MAST1: variants seen among roughly 807,000 people sequenced by gnomAD.
The protein encoded by MAST1 is microtubule-associated serine/threonine-protein kinase 1.
A neutral mutation model predicts 124.6 loss-of-function variants in MAST1; 40 were observed. The observed-to-expected ratio is 0.32, with a 90% CI of 0.25 to 0.42. The LOEUF is 0.42. Ranked by LOEUF, MAST1 falls within the 10% of genes least tolerant of loss-of-function variation. The probability of loss-of-function intolerance (pLI) is 1.00; values close to 1 mark genes in which losing one functional copy is unlikely to be tolerated. For synonymous variants in MAST1, 938 were observed against 939.4 expected, an observed-to-expected ratio of 1.00 and a Z score of 0.03; for missense variants, 1,558 against 2,181.9, an observed-to-expected ratio of 0.71 and a Z score of 5.70.
At position 12,852,100 on chromosome 19, in the gene MAST1, C is replaced by T; in HGVS notation, c.877-15C>T. ...CCTGGGAGCCTGTGGTGAGCCCACT[C>T]CTGCCCTGCCTCAGGAATTCAACCC... On this transcript the variant is annotated splice_polypyrimidine_tract_variant and intron_variant, in intron 8 of 25. Coordinates refer to ENST00000251472, the MANE Select transcript of MAST1 (RefSeq NM_014975.3). The T allele has an allele frequency of 1.2e-6, 2 of 1,613,496 alleles. No individual in the cohort carries two copies. Among genetic ancestry groups the T allele is most frequent in the South Asian group, 2.2e-5 (2 of 91,030 alleles).
Position 12,874,024 on chromosome 19 carries a change from G to A in MAST1, c.3867G>A (p.Val1289=), listed in dbSNP as rs566545684. ...KGALRKHSLE[V]GHPDFRKDFH... The stretch of plus-strand genomic sequence containing the variant: ...CGCTGCGCAAACACAGCCTCGAGGT[G>A]GGCCACCCGGATTTCCGCAAGGACT... Residue 1289 remains valine, a synonymous_variant, in exon 26 of 26, where the codon GTG becomes GTA. Transcript: ENST00000251472. The surrounding 1 kb of genome is among the most constrained non-coding windows in gnomAD (Gnocchi z 6.6). 6.2e-7 allele frequency: 1 copy of A among 1,606,150 alleles called. No individual in the cohort carries two copies. Among genetic ancestry groups the A allele is most frequent in the Non-Finnish European group, 8.5e-7 (1 of 1,178,972 alleles).
chr19:12,848,102 C>A, intron 7 of MAST1, 45 bp downstream of exon 7: 1 of 1,558,954 alleles, frequency 6.4e-7, no homozygotes, highest in East Asian at 2.3e-5. Flanking sequence ...TCAGCACCGC[C>A]AGATTGTGCC....
At chr19:12,863,145 C>A (rs1460116344) in intron 12 of MAST1, among the ~76,000 whole-genome samples, 1 of 132,166 alleles carries the variant, frequency 7.6e-6, no homozygotes, top group Non-Finnish European at 1.6e-5. Flanking sequence ...GGTGACAGAG[C>A]CAGACTCTGA....
chr19:12,853,506 T>C (rs986553815), intron 10 of MAST1, among the ~76,000 whole-genome samples: 12 of 151,280 alleles, frequency 7.9e-5, no homozygotes, highest in Admixed American at 3.3e-4. Flanking sequence ...CAGTAAGCCA[T>C]GATCACACCA....
At chr19:12,864,605 A>G (rs1437497689) in intron 12 of MAST1, among the ~76,000 whole-genome samples, 1 of 152,098 alleles carries the variant, frequency 6.6e-6, no homozygotes, top group East Asian at 1.9e-4. Context: ...GTATAAGATG[A>G]GCTGATGACA....
chr19:12,859,066 T>TATTTATTC (rs1468031482), intron 12 of MAST1: 1 of 224,412 alleles, frequency 4.5e-6, no homozygotes, highest in African/African-American at 3.7e-5. Context: ...TTTATTTATT[T>TATTTATTC]ATTTATTCAT....
Position 12,857,553 on chromosome 19 carries a change from A to G in MAST1, c.1078-809A>G, listed in dbSNP as rs144244512. Among the ~76,000 whole-genome samples, 657 of 151,912 alleles carry G rather than the reference A, an allele frequency of 4.3e-3. 7 individuals carry two copies. The highest frequency in any genetic ancestry group is 0.015 in the African/African-American group (624 of 41,446). On this transcript the variant is annotated intron_variant, in intron 10 of 25. Transcript: ENST00000251472. ...CAGCCTCCCAAGTAGCTGGGACTAC[A>G]TGTGCCCGCCACCATGCCTGGCTAA...
Position 12,866,241 on chromosome 19 carries a change from G to T in MAST1, c.2029+139G>T. ...AGGTGCGAAGGTGGTATTTTGGTGG[G>T]GGCGGGGCCAAGTGGGGCGGGGCTG... On this transcript the variant is annotated intron_variant, in intron 17 of 25. Transcript: ENST00000251472. This position sits in a 1 kb window ranked among gnomAD's most constrained non-coding sequence, Gnocchi z 5.2. 4.0e-6 allele frequency: 5 copies of T among 1,253,054 alleles called. No homozygotes were observed. Among genetic ancestry groups the T allele is most frequent in the Non-Finnish European group, 5.4e-6 (5 of 922,584 alleles). The allele number at this position is 1,253,054 out of a possible 1,614,324, so 77.6% of individuals were successfully genotyped here. A position where few individuals can be genotyped will look rare whatever the true frequency, so the allele number is the denominator to read the frequency against.
chr19:12,843,563 C>T lies in MAST1; in HGVS notation c.283C>T (p.Pro95Ser). 1 of 1,613,500 alleles carries T rather than the reference C, an allele frequency of 6.2e-7. No individual in the cohort carries two copies. Among genetic ancestry groups the T allele is most frequent in the Non-Finnish European group, 8.5e-7 (1 of 1,179,830 alleles). The change falls in exon 4 of 26, where the codon CCT becomes TCT. Residue 95 changes from proline to serine, a missense_variant. Physicochemically the swap from Pro to Ser is moderately conservative, Grantham distance 74. Transcript: ENST00000251472. This position sits in a 1 kb window ranked among gnomAD's most constrained non-coding sequence, Gnocchi z 4.9. ...ACGCCGGTGGTCTCTGGCCTCGCTC[C>T]CTTCATCTGGCTATGGCACCAACAC... ...DGRRWSLASL[P>S]SSGYGTNTPS...
In MAST1 at chr19:12,871,743, C is replaced by G. The variant is rs534778300; in HGVS notation, c.3263+571C>G. ...AGATTAGGGGCAACATAGAGAGACCCCATCTCTACAAAAAACTTAAAAAAC... is the reference window on the plus strand; with the variant it reads ...AGATTAGGGGCAACATAGAGAGACCGCATCTCTACAAAAAACTTAAAAAAC... On this transcript the variant is annotated intron_variant, in intron 24 of 25. Transcript: ENST00000251472. 2.6e-5 allele frequency among the ~76,000 whole-genome samples: 4 copies of G among 151,752 alleles called. No individual in the cohort carries two copies. In the South Asian group the frequency reaches 8.3e-4, roughly 32 times the overall value.
In MAST1 at chr19:12,852,224, G is replaced by C. The variant is rs1488109182; in HGVS notation, c.986G>C (p.Gly329Ala). 1.2e-6 allele frequency: 2 copies of C among 1,613,924 alleles called. No individual in the cohort carries two copies. Among genetic ancestry groups the C allele is most frequent in the Non-Finnish European group, 1.7e-6 (2 of 1,180,038 alleles). The part of the protein sequence containing the change: ...DIPRYIIRQL[G>A]LTRDPFPDVV... ...CCCCGCTACATCATCCGCCAGCTGG[G>C]CCTCACCCGTGACCCCTTTCCAGGT... is the stretch of plus-strand genomic sequence containing the variant. Residue 329 changes from glycine (G) to alanine (A), a missense_variant, in exon 9 of 26, where the codon GGC (glycine) becomes GCC (alanine). Coordinates refer to ENST00000251472, the MANE Select transcript of MAST1 (RefSeq NM_014975.3).
intron 24 of MAST1, 96 bp from the exon 25 acceptor site, chr19:12,873,227 AG>A: frequency 8.3e-7 from 1 of 1,201,470 alleles, no homozygotes. Flanking sequence ...AAGGGCCAGA[AG>A]GGGTGGGTGG....
chr19:12,861,734 G>A (rs1211484200), intron 12 of MAST1, among the ~76,000 whole-genome samples: 3 of 127,152 alleles, frequency 2.4e-5, no homozygotes, highest in African/African-American at 1.1e-4. Flanking sequence ...ATAGAGTCTC[G>A]TTCTGTTGCC....
chr19:12,873,322 A>C lies in MAST1; in HGVS notation c.3264-2A>C, dbSNP rs773022768. On this transcript the variant is annotated splice_acceptor_variant, in intron 24 of 25. Transcript: ENST00000251472. LOFTEE classifies it high-confidence loss of function. ...ACGCTTGGCCCCCTCCCTGTCCCGC[A>C]GCAAGAAGCGCAGCTCCCTCTTCCG... 1.2e-6 allele frequency: 2 copies of C among 1,611,626 alleles called. No homozygotes were observed. The highest frequency in any genetic ancestry group is 4.5e-5 in the East Asian group (2 of 44,784).
chr19:12,868,024 A>G (rs1599590391), intron 20 of MAST1, 47 bp downstream of exon 20: 3 of 1,506,308 alleles, frequency 2.0e-6, no homozygotes, highest in South Asian at 1.3e-5. Flanking sequence ...CCAATGTCCT[A>G]CTGGTCATAT....
At position 12,847,520 on chromosome 19, in the gene MAST1, T is replaced by C; in HGVS notation, c.488+70T>C. 6.2e-7 allele frequency: 1 copy of C among 1,610,710 alleles called. No homozygotes were observed. The highest frequency in any genetic ancestry group is 8.5e-7 in the Non-Finnish European group (1 of 1,177,892). On this transcript the variant is annotated intron_variant, in intron 5 of 25. Transcript: ENST00000251472. This position sits in a 1 kb window ranked among gnomAD's most constrained non-coding sequence, Gnocchi z 5.5. ...GGACTTGTGCTTAGAGAGACCCCTG[T>C]CCCCGCGAATAAAAGGGTTACATCT... is the stretch of plus-strand genomic sequence containing the variant.
rs888467069 is a variant in MAST1, at chr19:12,843,211, A to C, written c.249-318A>C. On this transcript the variant is annotated intron_variant, in intron 3 of 25. Transcript: ENST00000251472. This position sits in a 1 kb window ranked among gnomAD's most constrained non-coding sequence, Gnocchi z 4.9. ...CAGAGCTTTCTCATGGAGAGTGTTC[A>C]CTTGGGGGAAATTTCTAGAATCTCT... Among the ~76,000 whole-genome samples the C allele has an allele frequency of 6.7e-6, 1 of 149,344 alleles. No individual in the cohort carries two copies. Among genetic ancestry groups the C allele is most frequent in the African/African-American group, 2.5e-5 (1 of 40,424 alleles).
intron 7 of MAST1, among the ~76,000 whole-genome samples, chr19:12,851,253 T>C (rs1414662106): frequency 6.9e-6 from 1 of 144,526 alleles, no homozygotes; most frequent in Non-Finnish European, 1.5e-5. Flanking sequence ...CGGCCTCTTT[T>C]TCTTTTCTTT....
At chr19:12,849,805 A>AT (rs978667228) in intron 7 of MAST1, among the ~76,000 whole-genome samples, 2 of 151,344 alleles carry the variant, frequency 1.3e-5, no homozygotes, top group African/African-American at 4.8e-5. Context: ...TATTTATTTT[A>AT]TTTTTTTTGG....
Sources: gnomAD v4.1 joint callset for allele counts (sites outside exome capture counted in the v4.1 genomes callset) on GRCh38, gnomAD v4.1.1 for gene constraint, Gnocchi (gnomAD v3.1) non-coding constraint, MANE v1.5 for transcripts, NCBI Gene and HGNC (gene_info 2026-07-23, HGNC 2026-07-21) for gene names.